CSNK1G1: variants seen among roughly 807,000 people sequenced by gnomAD.
CSNK1G1 encodes the protein casein kinase 1 gamma 1, also known as casein kinase I isoform gamma-1.
In CSNK1G1, 22 loss-of-function variants were observed where a neutral mutation model predicts 59.6. The ratio of observed to expected loss-of-function variants is 0.37; its 90% CI spans 0.26 to 0.53. CSNK1G1 has a LOEUF of 0.53. Ranked by LOEUF, CSNK1G1 falls within the 20% of genes least tolerant of loss-of-function variation. CSNK1G1 has a pLI of 0.89. For missense variants in CSNK1G1, 384 were observed against 519.5 expected (o/e 0.74, Z 2.54); for synonymous variants, 179 against 177.1 (o/e 1.01, Z -0.08).
At chr15:64,283,987 T>C (rs1310856202) in intron 2 of CSNK1G1, among the ~76,000 whole-genome samples, 1 of 152,204 alleles carries the variant, frequency 6.6e-6, no homozygotes, top group Non-Finnish European at 1.5e-5. Flanking sequence ...ATTTAGTCCT[T>C]TGATCTACTT....
chr15:64,234,802 G>A (rs953692795), intron 4 of CSNK1G1, among the ~76,000 whole-genome samples: 1 of 152,090 alleles, frequency 6.6e-6, no homozygotes, highest in African/African-American at 2.4e-5. Context: ...GTGGGCCCAT[G>A]TGGTTCTGTA....
intron 1 of CSNK1G1, among the ~76,000 whole-genome samples, chr15:64,336,433 T>A (rs1046566907): frequency 6.6e-6 from 1 of 152,160 alleles, no homozygotes; most frequent in African/African-American, 2.4e-5. Context: ...TACTTACCTA[T>A]GTCACTGAAC....
At chr15:64,316,345 T>C (rs1896262760) in intron 1 of CSNK1G1, among the ~76,000 whole-genome samples, 1 of 152,028 alleles carries the variant, frequency 6.6e-6, no homozygotes, top group South Asian at 2.1e-4. Flanking sequence ...AGGACAAGCT[T>C]GGAAAACAGG....
intron 4 of CSNK1G1, among the ~76,000 whole-genome samples, chr15:64,221,924 G>C (rs1271393521): frequency 6.6e-6 from 1 of 152,070 alleles, no homozygotes; most frequent in East Asian, 1.9e-4. Context: ...TCCCATTACT[G>C]AGTATATACC....
At chr15:64,322,528 G>C (rs1320084313) in intron 1 of CSNK1G1, among the ~76,000 whole-genome samples, 1 of 151,890 alleles carries the variant, frequency 6.6e-6, no homozygotes, top group African/African-American at 2.4e-5. Context: ...ATCTCATTTA[G>C]TACAGGCCAG....
chr15:64,171,612 A>T lies in CSNK1G1; in HGVS notation c.*319T>A, dbSNP rs2081665797. On this transcript the variant is annotated 3_prime_UTR_variant, in exon 12 of 12. Transcript: ENST00000303052. This position sits in a 1 kb window ranked among gnomAD's most constrained non-coding sequence, Gnocchi z 4.8. Reference sequence around the variant, plus strand: ...GTAAACTAAGGGGAAGAAGGAGAATAGCAGTCCTTGAGTTTTTGTGAATGA... The same window carrying T: ...GTAAACTAAGGGGAAGAAGGAGAATTGCAGTCCTTGAGTTTTTGTGAATGA... The T allele has an allele frequency of 5.2e-6, 2 of 384,712 alleles. No homozygotes were observed. Among genetic ancestry groups the T allele is most frequent in the South Asian group, 7.3e-5 (2 of 27,254 alleles). 23.8% of individuals were successfully genotyped at this position (384,712 alleles called of 1,614,324 possible). A position where few individuals can be genotyped will look rare whatever the true frequency, so the allele number is the denominator to read the frequency against.
intron 1 of CSNK1G1, among the ~76,000 whole-genome samples, chr15:64,348,052 G>GA (rs1053048348): frequency 6.7e-4 from 96 of 143,006 alleles, no homozygotes; most frequent in Non-Finnish European, 1.1e-3. Context: ...ATTGCTAAGT[G>GA]AAAAAAAAAA....
At chr15:64,291,513 A>G (rs995019454) in intron 2 of CSNK1G1, among the ~76,000 whole-genome samples, 1 of 152,164 alleles carries the variant, frequency 6.6e-6, no homozygotes. Flanking sequence ...GCTTGAATCC[A>G]GGAGGTGGAG....
At chr15:64,236,024 TAAC>T (rs1217483149) in intron 4 of CSNK1G1, among the ~76,000 whole-genome samples, 1 of 149,796 alleles carries the variant, frequency 6.7e-6, no homozygotes, top group African/African-American at 2.5e-5. Context: ...ATGCCTGTAA[TAAC>T]AACTACTCGG....
At chr15:64,305,517 G>T (rs773414962) in intron 1 of CSNK1G1, among the ~76,000 whole-genome samples, 22 of 151,904 alleles carry the variant, frequency 1.4e-4, no homozygotes, top group Non-Finnish European at 2.6e-4. Context: ...AGGAGTTCAA[G>T]AACAGCCTGG....
chr15:64,199,726 G>A (rs1044098805), intron 10 of CSNK1G1, among the ~76,000 whole-genome samples: 2 of 152,010 alleles, frequency 1.3e-5, no homozygotes, highest in Non-Finnish European at 2.9e-5. Flanking sequence ...GGTGGCGTGC[G>A]CCTGCAGTCC....
At chr15:64,346,093 A>G (rs1330652071) in intron 1 of CSNK1G1, among the ~76,000 whole-genome samples, 1 of 152,128 alleles carries the variant, frequency 6.6e-6, no homozygotes, top group Non-Finnish European at 1.5e-5. Flanking sequence ...AAAAATTTGC[A>G]TAAACCAATT....
rs151310385 is a variant in CSNK1G1, at chr15:64,269,970, A to AT, written c.182-10730dup. Reference sequence around the variant, plus strand: ...AGGTGCACGCCACCAGACCTGACTAATTTTTTTTGTATTTTTAGTAGAGAC... The same window carrying AT: ...AGGTGCACGCCACCAGACCTGACTAATTTTTTTTTGTATTTTTAGTAGAGAC... On this transcript the variant is annotated intron_variant, in intron 2 of 11. Transcript: ENST00000303052. Among the ~76,000 whole-genome samples, 1,267 of 149,922 alleles carry AT rather than the reference A, an allele frequency of 8.5e-3. 18 individuals are homozygous for AT. The highest frequency in any genetic ancestry group is 0.029 in the African/African-American group (1,185 of 40,660).
chr15:64,329,967 TA>T (rs1477374667), intron 1 of CSNK1G1, among the ~76,000 whole-genome samples: 9 of 151,508 alleles, frequency 5.9e-5, no homozygotes, highest in African/African-American at 2.2e-4. Flanking sequence ...CTCCCAAGAC[TA>T]GACCAGGAAG....
At chr15:64,321,308 T>G (rs1361731883) in intron 1 of CSNK1G1, among the ~76,000 whole-genome samples, 1 of 149,410 alleles carries the variant, frequency 6.7e-6, no homozygotes, top group Non-Finnish European at 1.5e-5. Context: ...CAGGCTGGAG[T>G]GCAGCAGTGC....
At chr15:64,181,533 G>A (rs983368284) in intron 10 of CSNK1G1, 43 of 1,089,494 alleles carry the variant, frequency 3.9e-5, no homozygotes, top group Non-Finnish European at 5.5e-5. Flanking sequence ...ATAGGTTGAT[G>A]AGAGAATTAT....
chr15:64,326,300 A>G (rs1023566931), intron 1 of CSNK1G1, among the ~76,000 whole-genome samples: 4 of 152,186 alleles, frequency 2.6e-5, no homozygotes, highest in Non-Finnish European at 5.9e-5. Context: ...TGCTGGAATT[A>G]TAAGTGTGAG....
chr15:64,169,703 TCA>T lies in CSNK1G1; in HGVS notation c.*2226_*2227del, dbSNP rs1401640907. 1.3e-5 allele frequency: 2 copies of T among 152,344 alleles called. No individual in the cohort carries two copies. Among genetic ancestry groups the T allele is most frequent in the East Asian group, 1.9e-4 (1 of 5,192 alleles). The allele number at this position is 152,344 out of a possible 1,614,324, so 9.4% of individuals were successfully genotyped here. On this transcript the variant is annotated 3_prime_UTR_variant, in exon 12 of 12. Coordinates refer to ENST00000303052, the MANE Select transcript of CSNK1G1 (RefSeq NM_022048.5). ...ATGGCAAGGACATAAATCCCAATAT[TCA>T]CAGTCCTTGTGGGGAAGGGGTGTGA...
At chr15:64,242,986 A>G (rs1891550659) in intron 4 of CSNK1G1, among the ~76,000 whole-genome samples, 2 of 152,190 alleles carry the variant, frequency 1.3e-5, no homozygotes, top group South Asian at 4.1e-4. Context: ...CCGTATGATC[A>G]TCTCAATAGA....
Sources: gnomAD v4.1 joint callset for allele counts (sites outside exome capture counted in the v4.1 genomes callset) on GRCh38, gnomAD v4.1.1 for gene constraint, Gnocchi (gnomAD v3.1) non-coding constraint, MANE v1.5 for transcripts, NCBI Gene and HGNC (gene_info 2026-07-23, HGNC 2026-07-21) for gene names.